The following ZNF318 variants were observed in gnomAD, a reference collection of about 807,000 sequenced individuals.
ZNF318 encodes the protein endocrine regulator.
Under a neutral mutation model 124.2 loss-of-function variants are expected in ZNF318, and 51 were observed. The ratio of observed to expected loss-of-function variants is 0.41; its 90% CI spans 0.33 to 0.52. The LOEUF (loss-of-function observed/expected upper bound fraction) is 0.52. Among genes scored for constraint, ZNF318 ranks in the 20% least tolerant of loss-of-function variants. ZNF318 has a pLI of 0.23. For synonymous variants in ZNF318, 1,090 were observed against 1,040.7 expected (o/e 1.05, Z -0.91); for missense variants, 2,815 against 2,811.2 (o/e 1.00, Z -0.03).
At chr6:43,340,724 T>G (rs917437001) in intron 9 of ZNF318, 66 bp downstream of exon 9, 12 of 1,548,812 alleles carry the variant, frequency 7.7e-6, no homozygotes, top group Non-Finnish European at 8.9e-6. Flanking sequence ...TCGGACGCCA[T>G]TTGACAAAGT....
intron 4 of ZNF318, 31 bp downstream of exon 4, chr6:43,354,633 C>CA: frequency 6.5e-7 from 1 of 1,541,644 alleles, no homozygotes; most frequent in African/African-American, 1.4e-5. Flanking sequence ...ACAGAAAACT[C>CA]AGGCACAGGA....
intron 2 of ZNF318, 94 bp downstream of exon 2, chr6:43,365,198 C>G: frequency 1.4e-6 from 2 of 1,396,248 alleles, no homozygotes; most frequent in South Asian, 2.7e-5. Flanking sequence ...AACTTTAGAG[C>G]TGGCACCATC....
intron 1 of ZNF318, 118 bp downstream of exon 1, chr6:43,368,849 T>G (rs1189708568): frequency 4.0e-6 from 5 of 1,235,728 alleles, no homozygotes; most frequent in Non-Finnish European, 4.1e-6. Flanking sequence ...CCGAGGGAGT[T>G]GGCCGGAGGC....
Position 43,348,318 on chromosome 6 carries a change from T to G in ZNF318, c.3072+6A>C, listed in dbSNP as rs1779476977. On this transcript the variant is annotated splice_donor_region_variant and intron_variant, in intron 6 of 9. Transcript: ENST00000361428. ...GATGATAGAAATGGAAAAATTGAGT[T>G]GTTACCTTGTTGGAGGAGGAGTTTG... 3 of 1,597,328 alleles carry G rather than the reference T, an allele frequency of 1.9e-6. No individual in the cohort carries two copies. The Admixed American group carries it at 5.3e-5, about 28-fold the overall frequency.
At position 43,369,065 on chromosome 6, in the gene ZNF318, G is replaced by C; in HGVS notation, c.301C>G (p.Pro101Ala). The C allele has an allele frequency of 7.5e-7, 1 of 1,339,114 alleles. No homozygotes were observed. Among genetic ancestry groups the C allele is most frequent in the South Asian group, 1.8e-5 (1 of 56,082 alleles). The allele number at this position is 1,339,114 out of a possible 1,614,324, so 83.0% of individuals were successfully genotyped here. The stretch of plus-strand genomic sequence containing the variant: ...CTGCCTCTGAAGCCGGCCGGGCCCG[G>C]CGGGAAGAGTCGTCGGCCCCGCGGT... ...SPPRGRRLFPPGPAGFRGSSR... is the reference protein window; with the variant it reads ...SPPRGRRLFPAGPAGFRGSSR... The change falls in exon 1 of 10, where the codon CCG (proline) becomes GCG (alanine). Residue 101 changes from proline to alanine, a missense_variant. Around this residue, in one of 4 missense-constraint regions of ZNF318, gnomAD observed 1,377 missense variants for 1,353.5 expected, o/e 1.02. Coordinates refer to ENST00000361428, the MANE Select transcript of ZNF318 (RefSeq NM_014345.3).
chr6:43,359,837 A>C (rs1443542372), intron 2 of ZNF318, among the ~76,000 whole-genome samples: 3 of 152,208 alleles, frequency 2.0e-5, no homozygotes, highest in African/African-American at 4.8e-5. Flanking sequence ...CCTTCTTCCT[A>C]AGAATTTGGG....
At chr6:43,341,073 C>T (rs1779368623) in intron 8 of ZNF318, among the ~76,000 whole-genome samples, 165 bp from the exon 9 acceptor site, 2 of 152,212 alleles carry the variant, frequency 1.3e-5, no homozygotes. Flanking sequence ...ATGGCACAGT[C>T]TTTCCAACCT....
Position 43,365,327 on chromosome 6 carries a change from C to T in ZNF318, c.513G>A (p.Leu171=). 1 of 1,614,166 alleles carries T rather than the reference C, an allele frequency of 6.2e-7. No individual in the cohort carries two copies. Among genetic ancestry groups the T allele is most frequent in the Non-Finnish European group, 8.5e-7 (1 of 1,180,012 alleles). The part of the protein sequence containing the change: ...TPERRRLSDR[L]GSPVDNLEDM... ...CTTCCAGATTATCCACTGGTGACCC[C>T]AGCCGATCACTAAGCCGTCGCCGTT... Residue 171 remains leucine (L), a synonymous_variant, in exon 2 of 10, where the codon CTG becomes CTA. Transcript: ENST00000361428.
At chr6:43,345,866 G>C (rs1366335417) in intron 6 of ZNF318, among the ~76,000 whole-genome samples, 3 of 152,124 alleles carry the variant, frequency 2.0e-5, no homozygotes, top group Non-Finnish European at 4.4e-5. Flanking sequence ...TAGCACTTTG[G>C]GAGGCTGAGG....
rs779817555 is a variant in ZNF318 at position 43,339,371 on chromosome 6, A to G, written c.4627T>C (p.Ser1543Pro). The change falls in exon 10 of 10, where the codon TCA becomes CCA. Residue 1543 changes from serine to proline, a missense_variant. Physicochemically the swap from Ser to Pro is moderately conservative, Grantham distance 74 (BLOSUM62 -1). This residue lies in a region of ZNF318 where 500 missense variants were observed against 605.2 expected (regional missense o/e 0.83). Coordinates refer to ENST00000361428, the MANE Select transcript of ZNF318 (RefSeq NM_014345.3). The surrounding 1 kb of genome is among the most constrained non-coding windows in gnomAD (Gnocchi z 4.2). ...TTGGCTTGTTCACTGAACACACTTG[A>G]GAGGGGTGGTGGAGGACGTACTAAC... ...SVLVRPPPPLSSVFSEQAKKL... is the reference protein window; with the variant it reads ...SVLVRPPPPLPSVFSEQAKKL... 39 of 1,614,150 alleles carry G rather than the reference A, an allele frequency of 2.4e-5. No individual in the cohort carries two copies. Among genetic ancestry groups the G allele is most frequent in the Non-Finnish European group, 3.3e-5 (39 of 1,180,026 alleles).
At chr6:43,352,262 C>CCATCATCTGGAAGAAGA in intron 5 of ZNF318, 115 bp downstream of exon 5, 1 of 781,694 alleles carries the variant, frequency 1.3e-6, no homozygotes. Flanking sequence ...AGTTTAATTA[C>CCATCATCTGGAAGAAGA]GTCAAAAAAA....
chr6:43,368,868 T>C (rs1779795935), intron 1 of ZNF318, 99 bp downstream of exon 1: 25 of 1,244,242 alleles, frequency 2.0e-5, no homozygotes, highest in Non-Finnish European at 2.5e-5. Context: ...GCTTCGCGCT[T>C]AGGACCCTGG....
In ZNF318 at chr6:43,357,670, G is replaced by C; in HGVS notation, c.644C>G (p.Pro215Arg). ...YISQEEGPLS[P>R]FLGQLDEDYR... ...GTCCTCATCAAGTTGTCCCAAGAAG[G>C]GACTGAGAGGCCCTTCCTCCTGGGA... The change falls in exon 3 of 10, where the codon CCC (proline) becomes CGC (arginine). Residue 215 changes from proline (P) to arginine (R), a missense_variant. Coordinates refer to ENST00000361428, the MANE Select transcript of ZNF318 (RefSeq NM_014345.3). The C allele has an allele frequency of 1.2e-6, 2 of 1,613,658 alleles. No individual in the cohort carries two copies. Among genetic ancestry groups the C allele is most frequent in the Non-Finnish European group, 1.7e-6 (2 of 1,179,998 alleles).
chr6:43,353,583 C>G (rs1581645772), intron 4 of ZNF318, among the ~76,000 whole-genome samples: 1 of 152,034 alleles, frequency 6.6e-6, no homozygotes, highest in East Asian at 1.9e-4. Flanking sequence ...ACCGTGTTAG[C>G]CAGGATGGTC....
intron 5 of ZNF318, among the ~76,000 whole-genome samples, chr6:43,351,671 G>A (rs1475522231): frequency 6.6e-6 from 1 of 151,390 alleles, no homozygotes; most frequent in Non-Finnish European, 1.5e-5. Flanking sequence ...TGAGGCTTGA[G>A]AATCACTTGA....
Position 43,352,180 on chromosome 6 carries a change from T to C in ZNF318, c.2770+197A>G, listed in dbSNP as rs189272493. On this transcript the variant is annotated intron_variant, in intron 5 of 9. Transcript: ENST00000361428. The stretch of plus-strand genomic sequence containing the variant: ...ATCATCATCATCATCATCATCATCA[T>C]CATCACCACCACCATCATCTGGGAG... Among the ~76,000 whole-genome samples, 80 of 145,084 alleles carry C rather than the reference T, an allele frequency of 5.5e-4. No homozygotes were observed. The highest frequency in any genetic ancestry group is 3.3e-3 in the Middle Eastern group (1 of 300).
intron 2 of ZNF318, among the ~76,000 whole-genome samples, chr6:43,361,861 T>A (rs930586643): frequency 6.6e-6 from 1 of 151,784 alleles, no homozygotes; most frequent in African/African-American, 2.4e-5. Context: ...AGAAAAAAAA[T>A]AAACAAACAT....
At chr6:43,357,070 G>A (rs1779618744) in intron 3 of ZNF318, 56 bp downstream of exon 3, 1 of 1,533,884 alleles carries the variant, frequency 6.5e-7, no homozygotes, top group Non-Finnish European at 8.8e-7. Context: ...AAAGTAAGCA[G>A]GCTTTAAGAT....
intron 5 of ZNF318, among the ~76,000 whole-genome samples, chr6:43,348,838 G>A (rs1779487192): frequency 6.6e-6 from 1 of 152,112 alleles, no homozygotes; most frequent in Non-Finnish European, 1.5e-5. Flanking sequence ...CTCGAGACCA[G>A]CCTCACTAAC....
Sources: allele counts gnomAD v4.1 joint callset (sites outside exome capture counted in the v4.1 genomes callset), GRCh38; gene constraint gnomAD v4.1.1; regional missense constraint gnomAD v4.1.1; non-coding constraint Gnocchi (gnomAD v3.1); transcripts MANE v1.5; gene names NCBI Gene and HGNC (gene_info 2026-07-23, HGNC 2026-07-21).